The following NPLOC4 variants were observed in gnomAD, a reference collection of about 807,000 sequenced individuals.
NPLOC4 encodes NPL4 homolog, ubiquitin recognition factor.
A neutral mutation model predicts 80.6 loss-of-function variants in NPLOC4; 18 were observed. The observed-to-expected ratio is 0.22, with a 90% CI of 0.15 to 0.33. The LOEUF is 0.33. Ranked by LOEUF, NPLOC4 falls within the 10% of genes least tolerant of loss-of-function variation. The pLI, the probability that NPLOC4 is intolerant of heterozygous loss-of-function variation, is 1.00. For missense variants in NPLOC4, 540 were observed against 786.1 expected (o/e 0.69, Z 3.74); for synonymous variants, 313 against 301.5 (o/e 1.04, Z -0.39).
rs757960853 is a variant in NPLOC4, at chr17:81,579,339, T to C, written c.1282-7251A>G. The stretch of plus-strand genomic sequence containing the variant: ...ATTGCAGTGAGCCAAGATCGTGCCA[T>C]TGCACATCACCCTAGGTGACAGAGC... On this transcript the variant is annotated intron_variant, in intron 12 of 16. Transcript: ENST00000331134. Among the ~76,000 whole-genome samples the C allele has an allele frequency of 7.2e-5, 11 of 152,142 alleles. No individual in the cohort carries two copies. In the South Asian group the frequency reaches 8.3e-4, roughly 11 times the overall value.
At chr17:81,622,522 T>G (rs1158555617) in intron 2 of NPLOC4, among the ~76,000 whole-genome samples, 2 of 152,206 alleles carry the variant, frequency 1.3e-5, no homozygotes, top group African/African-American at 4.8e-5. Context: ...TGTAAAACAT[T>G]TAAGACTTTG....
intron 12 of NPLOC4, among the ~76,000 whole-genome samples, chr17:81,582,206 AG>A (rs1406671293): frequency 2.0e-5 from 3 of 152,368 alleles, no homozygotes; most frequent in African/African-American, 7.2e-5. Context: ...AGGCTGCAGC[AG>A]CACAACCAGG....
In NPLOC4 at chr17:81,567,624, A is replaced by G; in HGVS notation, c.1450-91T>C. On this transcript the variant is annotated intron_variant, in intron 14 of 16. Coordinates refer to ENST00000331134, the MANE Select transcript of NPLOC4 (RefSeq NM_017921.4). The surrounding 1 kb of genome is among the most constrained non-coding windows in gnomAD (Gnocchi z 4.5). ...CTGTTTCCTACTAAGACGCAACTCA[A>G]TACACTGAATGCTGAGACACCTCTC... 1 of 735,732 alleles carries G rather than the reference A, an allele frequency of 1.4e-6. No homozygotes were observed. 45.6% of individuals were successfully genotyped at this position (735,732 alleles called of 1,614,324 possible).
At position 81,575,607 on chromosome 17, in the gene NPLOC4, G is replaced by A. The variant is rs546931565; in HGVS notation, c.1282-3519C>T. ...GATGAGTGAACCTCCTAAAGCAATC[G>A]GCAAGGACAGCTGGACAGCTGTGTA... On this transcript the variant is annotated intron_variant, in intron 12 of 16. Transcript: ENST00000331134. 2.1e-3 allele frequency among the ~76,000 whole-genome samples: 326 copies of A among 152,298 alleles called. 2 individuals carry two copies. The highest frequency in any genetic ancestry group is 3.8e-3 in the Non-Finnish European group (259 of 68,030).
chr17:81,564,118 A>ACACACACACACACACACACAC (rs1568114631), intron 16 of NPLOC4: 12 of 323,792 alleles, frequency 3.7e-5, no homozygotes, highest in African/African-American at 2.3e-4. Context: ...ACACACACAC[A>ACACACACACACACACACACAC]AAGAGCAGGG....
intron 2 of NPLOC4, 33 bp downstream of exon 2, chr17:81,629,692 T>C (rs1282210756): frequency 5.3e-6 from 8 of 1,496,882 alleles, no homozygotes; most frequent in Non-Finnish European, 5.6e-6. Flanking sequence ...GGATGAAAAA[T>C]ATCCTGAGGG....
chr17:81,616,616 G>C (rs2035499408), intron 3 of NPLOC4, among the ~76,000 whole-genome samples: 1 of 151,786 alleles, frequency 6.6e-6, no homozygotes, highest in Non-Finnish European at 1.5e-5. Flanking sequence ...TGTAGTCCCA[G>C]CTACTCGGGA....
chr17:81,613,091 T>C, intron 4 of NPLOC4: 2 of 433,302 alleles, frequency 4.6e-6, no homozygotes, highest in Admixed American at 4.3e-5. Flanking sequence ...AAATTTTTTA[T>C]GGGAACATAT....
rs1323034854 is a variant in NPLOC4, at chr17:81,567,794, C to T, written c.1450-261G>A. Reference sequence around the variant, plus strand: ...AGGAGACATGCTTATAAAGCTGACTCAGACTGGCCAGGTGTGGAGGCTAAC... The same window carrying T: ...AGGAGACATGCTTATAAAGCTGACTTAGACTGGCCAGGTGTGGAGGCTAAC... On this transcript the variant is annotated intron_variant, in intron 14 of 16. Coordinates refer to ENST00000331134, the MANE Select transcript of NPLOC4 (RefSeq NM_017921.4). The surrounding 1 kb of genome is among the most constrained non-coding windows in gnomAD (Gnocchi z 4.5). The T allele has an allele frequency of 7.7e-6, 3 of 387,828 alleles. No homozygotes were observed. The East Asian group carries it at 1.6e-4, about 20-fold the overall frequency. The allele number at this position is 387,828 out of a possible 1,614,324, so 24.0% of individuals were successfully genotyped here. A position where few individuals can be genotyped will look rare whatever the true frequency, so the allele number is the denominator to read the frequency against.
At chr17:81,568,994 T>C in intron 14 of NPLOC4, 22 bp downstream of exon 14, 1 of 1,451,292 alleles carries the variant, frequency 6.9e-7, no homozygotes, top group Non-Finnish European at 9.6e-7. Flanking sequence ...TTAAATTATG[T>C]TTCTAAAGAC....
At chr17:81,617,183 G>C (rs760444952) in intron 3 of NPLOC4, among the ~76,000 whole-genome samples, 8 of 152,216 alleles carry the variant, frequency 5.3e-5, no homozygotes, top group Non-Finnish European at 1.0e-4. Context: ...TGGCAGCAGA[G>C]CAGAAACTAG....
rs1463980071 is a variant in NPLOC4 at position 81,636,962 on chromosome 17, C to T, written c.-32G>A. 3 of 1,266,736 alleles carry T rather than the reference C, an allele frequency of 2.4e-6. No homozygotes were observed. Among genetic ancestry groups the T allele is most frequent in the Admixed American group, 3.9e-5 (1 of 25,460 alleles). 78.5% of individuals were successfully genotyped at this position (1,266,736 alleles called of 1,614,324 possible). On this transcript the variant is annotated 5_prime_UTR_variant, in exon 1 of 17. Transcript: ENST00000331134. Reference sequence around the variant, plus strand: ...TGCTCCTGCCTCCGGGCTCGAGCCCCGGGCCGCCGCCGCCTGCCGCCCCAA... The same window carrying T: ...TGCTCCTGCCTCCGGGCTCGAGCCCTGGGCCGCCGCCGCCTGCCGCCCCAA...
At chr17:81,622,351 C>T in intron 2 of NPLOC4, 73 bp from the exon 3 acceptor site, 4 of 1,058,126 alleles carry the variant, frequency 3.8e-6, no homozygotes, top group Non-Finnish European at 5.9e-6. Context: ...ACACACCAGA[C>T]ACTACTAGAA....
At chr17:81,631,016 T>G (rs1191055389) in intron 1 of NPLOC4, among the ~76,000 whole-genome samples, 1 of 150,584 alleles carries the variant, frequency 6.6e-6, no homozygotes, top group South Asian at 2.1e-4. Flanking sequence ...CTACTAAAAA[T>G]ACAAAAATTA....
chr17:81,631,665 A>G (rs1362836509), intron 1 of NPLOC4, among the ~76,000 whole-genome samples: 1 of 152,032 alleles, frequency 6.6e-6, no homozygotes, highest in African/African-American at 2.4e-5. Flanking sequence ...TGCTCCAACC[A>G]TCCGCGGGAC....
intron 3 of NPLOC4, among the ~76,000 whole-genome samples, chr17:81,617,422 C>G (rs1365144717): frequency 1.3e-5 from 2 of 152,072 alleles, no homozygotes; most frequent in Non-Finnish European, 2.9e-5. Context: ...TCCTGTAATC[C>G]CAGCACTCTG....
At chr17:81,610,347 A>G in intron 4 of NPLOC4, 89 bp from the exon 5 acceptor site, 1 of 1,195,642 alleles carries the variant, frequency 8.4e-7, no homozygotes, top group Non-Finnish European at 1.2e-6. Flanking sequence ...CTACTTTAAC[A>G]GAGTGTTTCC....
chr17:81,630,651 G>C (rs993235621), intron 1 of NPLOC4, among the ~76,000 whole-genome samples: 2 of 152,106 alleles, frequency 1.3e-5, no homozygotes, highest in Non-Finnish European at 2.9e-5. Context: ...GGAGGCCAAG[G>C]CGGTGGATCA....
intron 3 of NPLOC4, among the ~76,000 whole-genome samples, chr17:81,621,636 C>T (rs894789762): frequency 6.6e-6 from 1 of 152,200 alleles, no homozygotes; most frequent in Non-Finnish European, 1.5e-5. Context: ...CTAAACTCTG[C>T]CCTTGTAACA....
Sources: allele counts gnomAD v4.1 joint callset (sites outside exome capture counted in the v4.1 genomes callset), GRCh38; gene constraint gnomAD v4.1.1; non-coding constraint Gnocchi (gnomAD v3.1); transcripts MANE v1.5; gene names NCBI Gene and HGNC (gene_info 2026-07-23, HGNC 2026-07-21).